ASAP1: variants seen among roughly 807,000 people sequenced by gnomAD.
ASAP1 encodes the protein arf-GAP with SH3 domain, ANK repeat and PH domain-containing protein 1.
In ASAP1, 43 loss-of-function variants were observed where a neutral mutation model predicts 145.2. That is an observed-to-expected ratio of 0.30 (90% CI 0.23 to 0.38). The LOEUF is 0.38. Ranked by LOEUF, ASAP1 falls within the 10% of genes least tolerant of loss-of-function variation. ASAP1 has a pLI of 1.00. For missense variants in ASAP1, 1,018 were observed against 1,355.3 expected (o/e 0.75, Z 3.91); for synonymous variants, 546 against 515.5 (o/e 1.06, Z -0.80).
chr8:130,061,840 A>T (rs1464226693), intron 27 of ASAP1, among the ~76,000 whole-genome samples: 2 of 152,336 alleles, frequency 1.3e-5, no homozygotes, highest in South Asian at 2.1e-4. Context: ...AGCTTAGGAA[A>T]TGTATCAATT....
intron 3 of ASAP1, among the ~76,000 whole-genome samples, chr8:130,345,301 C>T (rs1481852500): frequency 1.3e-5 from 2 of 152,188 alleles, no homozygotes; most frequent in Non-Finnish European, 2.9e-5. Flanking sequence ...CCAATTCTCT[C>T]ATTAATCCCT....
chr8:130,067,046 C>CT (rs914008171), intron 27 of ASAP1, among the ~76,000 whole-genome samples: 1 of 152,190 alleles, frequency 6.6e-6, no homozygotes, highest in Non-Finnish European at 1.5e-5. Context: ...AGAGAACTCC[C>CT]TCTAATCTGC....
At chr8:130,116,654 T>C (rs765578766) in intron 22 of ASAP1, 24 bp downstream of exon 22, 32 of 1,605,758 alleles carry the variant, frequency 2.0e-5, no homozygotes, top group Non-Finnish European at 2.6e-5. Flanking sequence ...GTCTAATAAA[T>C]CTCCCACGTC....
chr8:130,235,764 A>C (rs1818178154), intron 4 of ASAP1, among the ~76,000 whole-genome samples: 1 of 152,134 alleles, frequency 6.6e-6, no homozygotes, highest in Non-Finnish European at 1.5e-5. Flanking sequence ...AAACAAGAGA[A>C]TATTAGGTTT....
intron 7 of ASAP1, among the ~76,000 whole-genome samples, chr8:130,185,361 G>A (rs1180891714): frequency 2.6e-5 from 4 of 152,104 alleles, no homozygotes; most frequent in Non-Finnish European, 5.9e-5. Context: ...ATTAGGCACT[G>A]GTAGAATAAC....
rs141664594 is a variant in ASAP1, at chr8:130,152,410, T to C, written c.1080+326A>G. 5.3e-5 allele frequency among the ~76,000 whole-genome samples: 8 copies of C among 152,296 alleles called. No homozygotes were observed. The East Asian group carries it at 1.5e-3, about 29-fold the overall frequency. On this transcript the variant is annotated intron_variant, in intron 13 of 29. Transcript: ENST00000518721. ...ACTGTTACGTTTCCTACATTATTTT[T>C]ACATGCAAAGAACAGCCTGTCATCT...
chr8:130,399,541 G>A (rs12680697), intron 2 of ASAP1, among the ~76,000 whole-genome samples: 48,831 of 151,932 alleles, frequency 0.32, 8,657 homozygotes, highest in African/African-American at 0.46. Flanking sequence ...CCTGGAAGGC[G>A]GTATCATGTC....
intron 27 of ASAP1, among the ~76,000 whole-genome samples, chr8:130,073,791 A>C (rs2097455611): frequency 6.6e-6 from 1 of 152,230 alleles, no homozygotes; most frequent in African/African-American, 2.4e-5. Flanking sequence ...CTTCACACAC[A>C]GAGACAATGC....
At chr8:130,160,321 T>C (rs971972676) in intron 11 of ASAP1, among the ~76,000 whole-genome samples, 1 of 152,068 alleles carries the variant, frequency 6.6e-6, no homozygotes, top group Non-Finnish European at 1.5e-5. Flanking sequence ...CTGGAAAAAA[T>C]GAAGTGGACC....
At chr8:130,289,194 A>C (rs2137282021) in intron 3 of ASAP1, among the ~76,000 whole-genome samples, 1 of 152,280 alleles carries the variant, frequency 6.6e-6, no homozygotes, top group Non-Finnish European at 1.5e-5. Context: ...TCAAAACAAA[A>C]AACAAAAACA....
chr8:130,276,783 G>A (rs1178357525), intron 3 of ASAP1, among the ~76,000 whole-genome samples: 3 of 138,710 alleles, frequency 2.2e-5, no homozygotes, highest in Admixed American at 7.7e-5. Context: ...AAGCTCCATG[G>A]CAGCATGAGA....
intron 5 of ASAP1, among the ~76,000 whole-genome samples, chr8:130,191,593 T>C (rs550344212): frequency 1.3e-5 from 2 of 152,298 alleles, no homozygotes; most frequent in Admixed American, 1.3e-4. Flanking sequence ...TTATGTATTA[T>C]GTGTTAGTGG....
chr8:130,197,955 C>T (rs527774663), intron 5 of ASAP1, among the ~76,000 whole-genome samples: 1 of 152,208 alleles, frequency 6.6e-6, no homozygotes, highest in East Asian at 1.9e-4. Context: ...GTTCAGCCTG[C>T]TGCCACTGGA....
chr8:130,289,059 G>A (rs1226950157), intron 3 of ASAP1, among the ~76,000 whole-genome samples: 2 of 152,146 alleles, frequency 1.3e-5, no homozygotes, highest in Non-Finnish European at 2.9e-5. Flanking sequence ...GGTGGCACAC[G>A]CCTGTAGTCC....
At chr8:130,411,856 CAGAG>C (rs1829278733) in intron 1 of ASAP1, among the ~76,000 whole-genome samples, 1 of 152,144 alleles carries the variant, frequency 6.6e-6, no homozygotes, top group Non-Finnish European at 1.5e-5. Context: ...GTCCCAGTGA[CAGAG>C]AGAATACAAC....
At chr8:130,258,423 C>G (rs538310389) in intron 3 of ASAP1, among the ~76,000 whole-genome samples, 117 of 152,310 alleles carry the variant, frequency 7.7e-4, no homozygotes, top group African/African-American at 2.7e-3. Context: ...ACAGACCACC[C>G]TGATAATTCA....
Position 130,070,317 on chromosome 8 carries a change from G to A in ASAP1, c.2701+6031C>T, listed in dbSNP as rs188059989. Among the ~76,000 whole-genome samples the A allele has an allele frequency of 9.7e-4, 147 of 152,282 alleles. No homozygotes were observed. The Middle Eastern group carries it at 0.014, about 14-fold the overall frequency. On this transcript the variant is annotated intron_variant, in intron 27 of 29. Transcript: ENST00000518721. ...CTCTCAAAGTGCTGGGATTACAGGCGTGAGCCACCGTGCCCGGCCGACTGC... is the reference window on the plus strand; with the variant it reads ...CTCTCAAAGTGCTGGGATTACAGGCATGAGCCACCGTGCCCGGCCGACTGC...
At chr8:130,096,374 A>G (rs2097517894) in intron 24 of ASAP1, among the ~76,000 whole-genome samples, 1 of 152,174 alleles carries the variant, frequency 6.6e-6, no homozygotes, top group Non-Finnish European at 1.5e-5. Context: ...CATCAAACGC[A>G]ACACAAAAAA....
chr8:130,197,035 T>C (rs7836536), intron 5 of ASAP1, among the ~76,000 whole-genome samples: 15,618 of 152,258 alleles, frequency 0.1, 945 homozygotes, highest in African/African-American at 0.16. Context: ...TGGCCACTCA[T>C]CACTCCCGGC....
Sources: allele counts gnomAD v4.1 joint callset (sites outside exome capture counted in the v4.1 genomes callset), GRCh38; gene constraint gnomAD v4.1.1; transcripts MANE v1.5; gene names NCBI Gene and HGNC (gene_info 2026-07-23, HGNC 2026-07-21).